The following NELL1 variants were observed in gnomAD, a reference collection of about 807,000 sequenced individuals.
NELL1 encodes neural EGFL like 1, also known as protein kinase C-binding protein NELL1.
In NELL1, 76 loss-of-function variants were observed where a neutral mutation model predicts 107.4. The observed-to-expected ratio is 0.71, with a 90% CI of 0.59 to 0.86. The LOEUF is 0.86. Among genes scored for constraint, NELL1 ranks in the 40% least tolerant of loss-of-function variants. The pLI is 0.00. For synonymous variants in NELL1, 353 were observed against 341.2 expected, an observed-to-expected ratio of 1.03 and a Z score of -0.38; for missense variants, 1,024 against 1,005.5, an observed-to-expected ratio of 1.02 and a Z score of -0.25.
chr11:21,475,244 A>T (rs1304944668), intron 15 of NELL1, among the ~76,000 whole-genome samples: 2 of 152,190 alleles, frequency 1.3e-5, no homozygotes, highest in African/African-American at 4.8e-5. Flanking sequence ...TGGAGGCATG[A>T]CAGAGCTTTA....
At chr11:20,791,796 T>C (rs999767756) in intron 3 of NELL1, among the ~76,000 whole-genome samples, 1 of 149,290 alleles carries the variant, frequency 6.7e-6, no homozygotes, top group African/African-American at 2.4e-5. Flanking sequence ...TTTCTATTCC[T>C]AGTTTGGTTA....
chr11:21,468,902 G>A (rs1343151549), intron 15 of NELL1, among the ~76,000 whole-genome samples: 1 of 152,050 alleles, frequency 6.6e-6, no homozygotes, highest in Non-Finnish European at 1.5e-5. Flanking sequence ...ACTCTGCCTA[G>A]CATGACAGGG....
At chr11:21,461,973 A>T (rs1853911572) in intron 15 of NELL1, among the ~76,000 whole-genome samples, 1 of 152,148 alleles carries the variant, frequency 6.6e-6, no homozygotes, top group South Asian at 2.1e-4. Context: ...AGCCAAATGC[A>T]AGAGCAGTGA....
chr11:20,858,725 G>C (rs1031388417), intron 4 of NELL1, among the ~76,000 whole-genome samples: 51 of 152,300 alleles, frequency 3.3e-4, no homozygotes, highest in Admixed American at 2.3e-3. Context: ...ATAGCCCCCT[G>C]GGGGTGGGGA....
intron 12 of NELL1, among the ~76,000 whole-genome samples, chr11:21,096,530 A>T (rs1565057219): frequency 6.6e-6 from 1 of 152,144 alleles, no homozygotes; most frequent in South Asian, 2.1e-4. Context: ...AACACCTGTT[A>T]TCCCTTCTAA....
At chr11:21,211,852 GTCTC>G (rs1358973265) in intron 13 of NELL1, among the ~76,000 whole-genome samples, 1 of 152,032 alleles carries the variant, frequency 6.6e-6, no homozygotes, top group Non-Finnish European at 1.5e-5. Context: ...TTGAGATGGA[GTCTC>G]TCTCTGTCGC....
chr11:21,145,827 C>T lies in NELL1; in HGVS notation c.1426+32113C>T, dbSNP rs145850907. ...TAGCACGTGTGTTAATTTTTGTATT[C>T]CAACATTAAATGTCAAGGGTGAAGG... is the stretch of plus-strand genomic sequence containing the variant. On this transcript the variant is annotated intron_variant, in intron 13 of 19. Transcript: ENST00000357134. Among the ~76,000 whole-genome samples, 677 of 152,236 alleles carry T rather than the reference C, an allele frequency of 4.4e-3. 3 individuals carry two copies. The highest frequency in any genetic ancestry group is 6.6e-3 in the Non-Finnish European group (449 of 68,020).
chr11:21,567,239 T>C (rs1184325579), intron 17 of NELL1, among the ~76,000 whole-genome samples: 1 of 151,796 alleles, frequency 6.6e-6, no homozygotes, highest in African/African-American at 2.4e-5. Flanking sequence ...TTAGTTTTTG[T>C]TGGTTAAAGT....
intron 12 of NELL1, among the ~76,000 whole-genome samples, chr11:20,982,552 G>A (rs980545278): frequency 2.0e-5 from 3 of 152,146 alleles, no homozygotes; most frequent in Admixed American, 6.6e-5. Context: ...ATGTTCATCC[G>A]CTATGAGATG....
chr11:21,460,927 T>C (rs1853885362), intron 15 of NELL1, among the ~76,000 whole-genome samples: 1 of 152,238 alleles, frequency 6.6e-6, no homozygotes, highest in South Asian at 2.1e-4. Context: ...TGGGGTAATA[T>C]AATTTTCTAC....
chr11:21,362,700 G>T (rs1416788796), intron 14 of NELL1, among the ~76,000 whole-genome samples: 2 of 152,164 alleles, frequency 1.3e-5, no homozygotes, highest in Admixed American at 6.5e-5. Flanking sequence ...GATGGCCAGG[G>T]TAAGTATTTT....
At chr11:21,560,781 A>C (rs1236421043) in intron 17 of NELL1, among the ~76,000 whole-genome samples, 1 of 152,068 alleles carries the variant, frequency 6.6e-6, no homozygotes, top group African/African-American at 2.4e-5. Context: ...GAACTTGCTC[A>C]CTTTATGACA....
intron 15 of NELL1, among the ~76,000 whole-genome samples, chr11:21,379,259 C>G (rs1851554374): frequency 6.6e-6 from 1 of 151,910 alleles, no homozygotes; most frequent in Admixed American, 6.6e-5. Context: ...CACAACTACC[C>G]AAGTTGTAGG....
chr11:21,347,159 G>T lies in NELL1; in HGVS notation c.1550-23694G>T, dbSNP rs10833514. Among the ~76,000 whole-genome samples, 100 of 152,234 alleles carry T rather than the reference G, an allele frequency of 6.6e-4. 1 individual carries two copies. Among genetic ancestry groups the T allele is most frequent in the Non-Finnish European group, 7.4e-5 (5 of 68,006 alleles). ...TTTAAGAAATCCTAGGTCATGCAAG[G>T]CATTTCCGAGGAGTTGACATTTGAG... On this transcript the variant is annotated intron_variant, in intron 14 of 19. Coordinates refer to ENST00000357134, the MANE Select transcript of NELL1 (RefSeq NM_006157.5).
intron 14 of NELL1, among the ~76,000 whole-genome samples, chr11:21,351,232 T>C (rs1447040113): frequency 6.6e-6 from 1 of 152,096 alleles, no homozygotes; most frequent in Non-Finnish European, 1.5e-5. Flanking sequence ...AATGTGAACC[T>C]ATCCAGCCGA....
At position 20,977,383 on chromosome 11, in the gene NELL1, G is replaced by T. The variant is rs911147637; in HGVS notation, c.1300+16823G>T. ...GGGTTCACACCATTCTCCTGCCTCAGCCTCCTGAGTAGCTGGGACTACAGG... is the reference window on the plus strand; with the variant it reads ...GGGTTCACACCATTCTCCTGCCTCATCCTCCTGAGTAGCTGGGACTACAGG... On this transcript the variant is annotated intron_variant, in intron 12 of 19. Transcript: ENST00000357134. Among the ~76,000 whole-genome samples, 5 of 151,062 alleles carry T rather than the reference G, an allele frequency of 3.3e-5. No homozygotes were observed. The East Asian group carries it at 9.8e-4, about 30-fold the overall frequency.
chr11:20,680,642 G>T (rs969317584), intron 2 of NELL1, among the ~76,000 whole-genome samples: 1 of 152,124 alleles, frequency 6.6e-6, no homozygotes, highest in Admixed American at 6.6e-5. Flanking sequence ...GTGAAATTCA[G>T]CAGTGCAAAC....
chr11:20,947,462 C>T lies in NELL1; in HGVS notation c.1171+27C>T, dbSNP rs777022047. 2.1e-5 allele frequency: 33 copies of T among 1,544,724 alleles called. No individual in the cohort carries two copies. In the African/African-American group the frequency reaches 3.4e-4, roughly 16 times the overall value. On this transcript the variant is annotated intron_variant, in intron 11 of 19. Coordinates refer to ENST00000357134, the MANE Select transcript of NELL1 (RefSeq NM_006157.5). ...TAAGTGGGCTTGGTGGTGGGCCATG[C>T]GTGGGGTGAGGCTGGGGCTGGTCTT...
intron 15 of NELL1, among the ~76,000 whole-genome samples, chr11:21,384,343 C>G (rs559616927): frequency 3.2e-4 from 49 of 152,080 alleles, no homozygotes; most frequent in African/African-American, 1.2e-3. Flanking sequence ...GGCCCACCTG[C>G]CTATTAAATT....
Sources: allele counts gnomAD v4.1 joint callset (sites outside exome capture counted in the v4.1 genomes callset), GRCh38; gene constraint gnomAD v4.1.1; transcripts MANE v1.5; gene names NCBI Gene and HGNC (gene_info 2026-07-23, HGNC 2026-07-21).